PGS1: variants seen among roughly 807,000 people sequenced by gnomAD.
PGS1 encodes CDP-diacylglycerol--glycerol-3-phosphate 3-phosphatidyltransferase, mitochondrial.
Under a neutral mutation model 58.3 loss-of-function variants are expected in PGS1, and 44 were observed. The observed-to-expected ratio is 0.75, with a 90% confidence interval of 0.59 to 0.97. The LOEUF (loss-of-function observed/expected upper bound fraction) is 0.97. PGS1 is among the 50% of genes least tolerant of loss of function. PGS1 has a pLI of 0.00. For missense variants in PGS1, 684 were observed against 731.1 expected (o/e 0.94, Z 0.74); for synonymous variants, 330 against 311.0 (o/e 1.06, Z -0.64).
Position 78,403,700 on chromosome 17 carries a change from C to G in PGS1, c.1013C>G (p.Ala338Gly). Residue 338 changes from alanine to glycine, a missense_variant, in exon 7 of 10, where the codon GCA becomes GGA. By Grantham distance (60) the Ala-to-Gly change is moderately conservative. Coordinates refer to ENST00000262764, the MANE Select transcript of PGS1 (RefSeq NM_024419.5). The part of the protein sequence containing the change: ...SNSLLTQEDA[A>G]AAGDRRPAPD... Reference sequence around the variant, plus strand: ...TCTCTTTTGACCCAGGAAGATGCAGCAGCTGCTGGGGATCGCAGACCAGCC... The same window carrying G: ...TCTCTTTTGACCCAGGAAGATGCAGGAGCTGCTGGGGATCGCAGACCAGCC... 1 of 1,614,234 alleles carries G rather than the reference C, an allele frequency of 6.2e-7. No individual in the cohort carries two copies. The highest frequency in any genetic ancestry group is 1.7e-5 in the Admixed American group (1 of 60,024).
intron 9 of PGS1, among the ~76,000 whole-genome samples, chr17:78,423,195 G>A (rs532907330): frequency 7.9e-5 from 12 of 151,878 alleles, no homozygotes; most frequent in African/African-American, 2.9e-4. Context: ...CCCCCAGGTT[G>A]CTAGTTAATT....
rs150628335 is a variant in PGS1 at position 78,409,656 on chromosome 17, G to A, written c.1403-5223G>A. Among the ~76,000 whole-genome samples, 104 of 152,326 alleles carry A rather than the reference G, an allele frequency of 6.8e-4. No individual in the cohort carries two copies. The Middle Eastern group carries it at 0.017, about 25-fold the overall frequency. ...TGTACTAATGTCAGAGCAGGTGAGT[G>A]CTTATCCTGTAAGGATAAGCCTGTG... On this transcript the variant is annotated intron_variant, in intron 7 of 9. Coordinates refer to ENST00000262764, the MANE Select transcript of PGS1 (RefSeq NM_024419.5).
At chr17:78,413,838 T>C (rs187489938) in intron 7 of PGS1, among the ~76,000 whole-genome samples, 5 of 152,340 alleles carry the variant, frequency 3.3e-5, no homozygotes, top group Admixed American at 3.3e-4. Flanking sequence ...AAACTGTGCT[T>C]GTCATCTCAG....
At chr17:78,399,801 C>A in intron 5 of PGS1, 1 of 526,130 alleles carries the variant, frequency 1.9e-6, no homozygotes, top group South Asian at 2.2e-5. Flanking sequence ...CCCTCAGTGA[C>A]CCTCTGTAGT....
intron 8 of PGS1, among the ~76,000 whole-genome samples, chr17:78,417,706 C>T (rs1454682812): frequency 1.3e-5 from 2 of 151,944 alleles, no homozygotes; most frequent in Non-Finnish European, 2.9e-5. Flanking sequence ...TGGTCATCAC[C>T]TGTGGTCCTC....
chr17:78,414,931 C>G lies in PGS1; in HGVS notation c.1455C>G (p.Gly485=), dbSNP rs766843257. 1.9e-6 allele frequency: 3 copies of G among 1,614,108 alleles called. No individual in the cohort carries two copies. The highest frequency in any genetic ancestry group is 2.5e-6 in the Non-Finnish European group (3 of 1,180,018). The change falls in exon 8 of 10, where the codon GGC becomes GGG. Residue 485 remains glycine (G), a synonymous_variant. Transcript: ENST00000262764. The stretch of plus-strand genomic sequence containing the variant: ...GCCTGCCCTGTCTCACGCTGATTGG[C>G]TCTCCTAATTTTGGGTACAGGTCAG... The part of the protein sequence containing the change: ...GSSLPCLTLI[G]SPNFGYRSVH...
chr17:78,403,906 C>G lies in PGS1; in HGVS notation c.1219C>G (p.Gln407Glu). Residue 407 changes from glutamine to glutamate, a missense_variant, in exon 7 of 10, where the codon CAG becomes GAG. Gln to Glu is a conservative substitution (Grantham distance 29). Transcript: ENST00000262764. ...GGTCTTGGGCACTCGGGCTGAGTACCAGATCCTGCTGGCCTCACCAGAGGT... is the reference window on the plus strand; with the variant it reads ...GGTCTTGGGCACTCGGGCTGAGTACGAGATCCTGCTGGCCTCACCAGAGGT... ...DLVLGTRAEY[Q>E]ILLASPEVNG... The G allele has an allele frequency of 6.2e-7, 1 of 1,614,182 alleles. No individual in the cohort carries two copies. Among genetic ancestry groups the G allele is most frequent in the Non-Finnish European group, 8.5e-7 (1 of 1,179,982 alleles).
At chr17:78,379,006 C>T (rs544698138) in intron 1 of PGS1, among the ~76,000 whole-genome samples, 198 bp downstream of exon 1, 2 of 152,154 alleles carry the variant, frequency 1.3e-5, no homozygotes, top group Non-Finnish European at 2.9e-5. Context: ...GTGGGCGGCT[C>T]GTGCTCCATT....
At chr17:78,415,179 G>A (rs2085072417) in intron 8 of PGS1, 152 bp downstream of exon 8, 4 of 854,838 alleles carry the variant, frequency 4.7e-6, no homozygotes, top group Admixed American at 2.5e-5. Context: ...CTCCAAGAGT[G>A]CAGTGATGGG....
At chr17:78,411,935 T>G (rs9911769) in intron 7 of PGS1, among the ~76,000 whole-genome samples, 1 of 102,636 alleles carries the variant, frequency 9.7e-6, no homozygotes. Context: ...TTTTTTGAGA[T>G]AGGGTTTCTC....
chr17:78,423,140 CCCTGGGAT>C (rs930286382), intron 9 of PGS1, among the ~76,000 whole-genome samples: 2 of 152,014 alleles, frequency 1.3e-5, no homozygotes, highest in Admixed American at 6.6e-5. Flanking sequence ...GTCTTGGTCC[CCCTGGGAT>C]CCGTCTTTTC....
chr17:78,423,061 G>T (rs1276341579), intron 9 of PGS1, among the ~76,000 whole-genome samples: 1 of 150,578 alleles, frequency 6.6e-6, no homozygotes, highest in African/African-American at 2.4e-5. Context: ...TTGCGTCATT[G>T]CACTCCAGCC....
intron 2 of PGS1, 74 bp from the exon 3 acceptor site, chr17:78,396,234 G>A (rs2083219854): frequency 8.7e-7 from 1 of 1,146,246 alleles, no homozygotes; most frequent in Non-Finnish European, 1.3e-6. Context: ...TTGCCTCCCA[G>A]GTCAAAGGGT....
At chr17:78,386,927 A>G (rs2082424100) in intron 1 of PGS1, among the ~76,000 whole-genome samples, 1 of 151,910 alleles carries the variant, frequency 6.6e-6, no homozygotes. Flanking sequence ...GTCCTGGCTG[A>G]TGTGTTGCAG....
At chr17:78,389,078 G>GT (rs1392524472) in intron 1 of PGS1, among the ~76,000 whole-genome samples, 16 of 75,754 alleles carry the variant, frequency 2.1e-4, no homozygotes, top group African/African-American at 9.1e-4. Flanking sequence ...TTTTTTTTGC[G>GT]GGGGGACAGA....
At chr17:78,395,184 T>G (rs1281833913) in intron 2 of PGS1, among the ~76,000 whole-genome samples, 1 of 152,224 alleles carries the variant, frequency 6.6e-6, no homozygotes, top group Admixed American at 6.5e-5. Flanking sequence ...ATTATAGCTG[T>G]GGGGCCTGGT....
chr17:78,390,062 T>TTCCCCCCCCCCCCCCCCCCCCGCC, intron 1 of PGS1, among the ~76,000 whole-genome samples: 1 of 128,698 alleles, frequency 7.8e-6, no homozygotes, highest in East Asian at 2.2e-4. Context: ...TGTTGCCTGT[T>TTCCCCCCCCCCCCCCCCCCCCGCC]CCCCCGCCCC....
At chr17:78,412,014 T>A (rs765848497) in intron 7 of PGS1, among the ~76,000 whole-genome samples, 3 of 145,032 alleles carry the variant, frequency 2.1e-5, no homozygotes, top group Non-Finnish European at 4.5e-5. Flanking sequence ...CTGTAAGGGC[T>A]TTTAGATTCC....
chr17:78,398,043 G>A, intron 3 of PGS1: 1 of 632,652 alleles, frequency 1.6e-6, no homozygotes, highest in Non-Finnish European at 2.9e-6. Flanking sequence ...GGAGGCCTGG[G>A]CCGATCAGGC....
Sources: gnomAD v4.1 joint callset for allele counts (sites outside exome capture counted in the v4.1 genomes callset) on GRCh38, gnomAD v4.1.1 for gene constraint, MANE v1.5 for transcripts, NCBI Gene and HGNC (gene_info 2026-07-23, HGNC 2026-07-21) for gene names.